Variants in FAM163A observed in about 807,000 individuals in gnomAD.
FAM163A encodes protein FAM163A.
A neutral mutation model predicts 12.0 loss-of-function variants in FAM163A; 7 were observed. That is an observed-to-expected ratio of 0.58 (90% CI 0.33 to 1.10). The LOEUF is 1.10. FAM163A is among the 50% of genes least tolerant of loss of function. The pLI, the probability that FAM163A is intolerant of heterozygous loss-of-function variation, is 0.03. For missense variants in FAM163A, 202 were observed against 218.6 expected, an observed-to-expected ratio of 0.92 and a Z score of 0.48; for synonymous variants, 101 against 91.0, an observed-to-expected ratio of 1.11 and a Z score of -0.62.
At chr1:179,728,762 A>C in the FAM163A span, among the ~76,000 whole-genome samples, 1 of 152,172 alleles carries the variant, frequency 6.6e-6, no homozygotes, top group Non-Finnish European at 1.5e-5. Context: ...CAAAATAATA[A>C]AGCTATTGGT....
At chr1:179,771,241 G>C (rs989224923) in intron 1 of FAM163A, among the ~76,000 whole-genome samples, 1 of 152,082 alleles carries the variant, frequency 6.6e-6, no homozygotes, top group Non-Finnish European at 1.5e-5. Context: ...ACAGAGTGCC[G>C]GCTCCCCCTG....
intron 1 of FAM163A, among the ~76,000 whole-genome samples, chr1:179,775,740 G>T (rs1425997853): frequency 2.6e-5 from 4 of 152,160 alleles, no homozygotes; most frequent in African/African-American, 9.7e-5. Flanking sequence ...AAAAATAAAA[G>T]AATATATTGT....
At chr1:179,770,054 T>C (rs1391610449) in intron 1 of FAM163A, among the ~76,000 whole-genome samples, 2 of 151,904 alleles carry the variant, frequency 1.3e-5, no homozygotes, top group Middle Eastern at 3.4e-3. Context: ...TACAGGCGCC[T>C]GCCACCACGC....
chr1:179,736,496 G>C, the FAM163A span, among the ~76,000 whole-genome samples: 1 of 152,268 alleles, frequency 6.6e-6, no homozygotes, highest in East Asian at 1.9e-4. Flanking sequence ...AAACCTGTTA[G>C]GGTGGTGCTG....
chr1:179,753,345 A>C (rs948614299), intron 1 of FAM163A, among the ~76,000 whole-genome samples: 7 of 152,190 alleles, frequency 4.6e-5, no homozygotes, highest in African/African-American at 1.7e-4. Context: ...ATAAAATTTC[A>C]GTTATGTGAG....
At chr1:179,784,546 CCCTT>C (rs1690334130) in intron 1 of FAM163A, among the ~76,000 whole-genome samples, 2 of 152,206 alleles carry the variant, frequency 1.3e-5, no homozygotes, top group African/African-American at 4.8e-5. Flanking sequence ...CTTCAATAGT[CCCTT>C]CCTGCTTGGT....
chr1:179,804,028 CTCTTG>C (rs59685814), intron 1 of FAM163A: 49,209 of 148,594 alleles, frequency 0.33, 8,395 homozygotes, highest in Middle Eastern at 0.48. Context: ...CCCAGAGCCA[CTCTTG>C]TCTTGTCATG....
chr1:179,753,766 C>T (rs765513940), intron 1 of FAM163A, among the ~76,000 whole-genome samples: 1 of 151,924 alleles, frequency 6.6e-6, no homozygotes, highest in African/African-American at 2.4e-5. Flanking sequence ...TTTTAGAGTG[C>T]GTGTGATGAG....
intron 1 of FAM163A, among the ~76,000 whole-genome samples, chr1:179,760,116 C>T (rs1031327565): frequency 6.6e-5 from 10 of 152,218 alleles, no homozygotes; most frequent in South Asian, 2.1e-4. Context: ...ATGGTTATGG[C>T]GGTCCAGGCG....
chr1:179,794,769 G>T (rs920437730), intron 1 of FAM163A, among the ~76,000 whole-genome samples: 1 of 152,124 alleles, frequency 6.6e-6, no homozygotes, highest in South Asian at 2.1e-4. Flanking sequence ...CTGGCAAGGC[G>T]CTCAGACAGA....
intron 1 of FAM163A, among the ~76,000 whole-genome samples, chr1:179,790,449 T>C (rs1358085824): frequency 6.6e-6 from 1 of 152,134 alleles, no homozygotes; most frequent in Non-Finnish European, 1.5e-5. Context: ...AACCCAGGTC[T>C]GGCTGACAGT....
At chr1:179,752,805 A>T (rs912746085) in intron 1 of FAM163A, among the ~76,000 whole-genome samples, 1 of 152,198 alleles carries the variant, frequency 6.6e-6, no homozygotes, top group Non-Finnish European at 1.5e-5. Context: ...AGAGTTGGTG[A>T]AGATGTGGAG....
At chr1:179,762,223 G>A (rs1686919574) in intron 1 of FAM163A, among the ~76,000 whole-genome samples, 1 of 152,224 alleles carries the variant, frequency 6.6e-6, no homozygotes, top group South Asian at 2.1e-4. Flanking sequence ...CTCATAGATA[G>A]CTGCTACAAA....
At chr1:179,781,094 A>T (rs1195924860) in intron 1 of FAM163A, among the ~76,000 whole-genome samples, 4 of 152,184 alleles carry the variant, frequency 2.6e-5, no homozygotes, top group Non-Finnish European at 4.4e-5. Flanking sequence ...CTTTAAAATG[A>T]GGGGCTTAAC....
intron 1 of FAM163A, among the ~76,000 whole-genome samples, chr1:179,744,287 G>A (rs1435244478): frequency 2.0e-5 from 3 of 152,042 alleles, no homozygotes; most frequent in Non-Finnish European, 2.9e-5. Flanking sequence ...CGCTCAAGGC[G>A]CCGGCCACAC....
intron 1 of FAM163A, among the ~76,000 whole-genome samples, chr1:179,788,514 C>A (rs1416392994): frequency 1.3e-5 from 2 of 152,186 alleles, no homozygotes; most frequent in Non-Finnish European, 2.9e-5. Context: ...CACTAATGGG[C>A]TGAGTCCAGA....
Position 179,751,055 on chromosome 1 carries a change from C to A in FAM163A, c.-136+7632C>A, listed in dbSNP as rs145904920. Among the ~76,000 whole-genome samples, 483 of 152,130 alleles carry A rather than the reference C, an allele frequency of 3.2e-3. 5 individuals are homozygous for A. Among genetic ancestry groups the A allele is most frequent in the African/African-American group, 0.011 (443 of 41,512 alleles). ...AGTGGTAAAGAACCAGGCTTTGGGG[C>A]AAACATTGTGAGTGAGTCTCAGCCA... On this transcript the variant is annotated intron_variant, in intron 1 of 4. Transcript: ENST00000341785.
intron 1 of FAM163A, among the ~76,000 whole-genome samples, chr1:179,796,009 T>A (rs1160999404): frequency 3.4e-5 from 5 of 145,318 alleles, no homozygotes; most frequent in Non-Finnish European, 7.6e-5. Flanking sequence ...AGCCATTCCC[T>A]TCCTCTGTTA....
At chr1:179,750,961 TG>T (rs1274221452) in intron 1 of FAM163A, among the ~76,000 whole-genome samples, 1 of 152,034 alleles carries the variant, frequency 6.6e-6, no homozygotes, top group African/African-American at 2.4e-5. Flanking sequence ...GAGAAGGGTG[TG>T]GAGGATGAGT....
Sources: gnomAD v4.1 joint callset for allele counts (sites outside exome capture counted in the v4.1 genomes callset) on GRCh38, gnomAD v4.1.1 for gene constraint, MANE v1.5 for transcripts, NCBI Gene and HGNC (gene_info 2026-07-23, HGNC 2026-07-21) for gene names.